DPP10: variants seen among roughly 807,000 people sequenced by gnomAD.
DPP10 encodes inactive dipeptidyl peptidase 10.
In DPP10, 33 loss-of-function variants were observed where a neutral mutation model predicts 120.9. The ratio of observed to expected loss-of-function variants is 0.27; its 90% CI spans 0.21 to 0.37. The LOEUF is 0.37. Among genes scored for constraint, DPP10 ranks in the 10% least tolerant of loss-of-function variants. The probability of loss-of-function intolerance (pLI) is 1.00; values close to 1 mark genes in which losing one functional copy is unlikely to be tolerated. For synonymous variants in DPP10, 337 were observed against 326.1 expected (o/e 1.03, Z -0.36); for missense variants, 816 against 942.8 (o/e 0.87, Z 1.76).
intron 1 of DPP10, among the ~76,000 whole-genome samples, chr2:115,261,859 T>C (rs578227764): frequency 4.6e-5 from 7 of 152,178 alleles, no homozygotes; most frequent in Non-Finnish European, 8.8e-5. Flanking sequence ...CTAAAACACG[T>C]CACAATCAGG....
intron 3 of DPP10, among the ~76,000 whole-genome samples, chr2:115,430,378 CATT>C (rs1295190939): frequency 1.3e-5 from 2 of 152,004 alleles, no homozygotes; most frequent in African/African-American, 2.4e-5. Flanking sequence ...CATAATGTAA[CATT>C]ATGAAGCACA....
chr2:115,138,032 CA>C (rs1442166364), intron 1 of DPP10, among the ~76,000 whole-genome samples: 1 of 152,140 alleles, frequency 6.6e-6, no homozygotes, highest in Non-Finnish European at 1.5e-5. Context: ...GGATGCATAA[CA>C]CTGTATTAAG....
Position 115,464,773 on chromosome 2 carries a change from C to T in DPP10, c.272-34737C>T, listed in dbSNP as rs140803683. 1.1e-4 allele frequency among the ~76,000 whole-genome samples: 16 copies of T among 152,180 alleles called. No homozygotes were observed. The East Asian group carries it at 3.1e-3, about 29-fold the overall frequency. On this transcript the variant is annotated intron_variant, in intron 3 of 25. Coordinates refer to ENST00000410059, the MANE Select transcript of DPP10 (RefSeq NM_020868.6). ...ATAGGTAATTATGGCCTCCCCTTGG[C>T]CTTATGGAATCCTTGCCACATGAGT...
At chr2:114,480,505 A>C (rs1224134421) in intron 1 of DPP10, among the ~76,000 whole-genome samples, 8 of 152,064 alleles carry the variant, frequency 5.3e-5, no homozygotes, top group Non-Finnish European at 1.0e-4. Context: ...ACACACATAC[A>C]CCATGGAATA....
At chr2:115,190,128 G>A (rs1176294698) in intron 1 of DPP10, among the ~76,000 whole-genome samples, 1 of 152,126 alleles carries the variant, frequency 6.6e-6, no homozygotes, top group Non-Finnish European at 1.5e-5. Context: ...TCCTCTAACA[G>A]CATCTCTACT....
intron 1 of DPP10, among the ~76,000 whole-genome samples, chr2:114,976,238 T>C (rs1027000780): frequency 4.7e-5 from 7 of 148,278 alleles, no homozygotes; most frequent in African/African-American, 1.7e-4. Flanking sequence ...TTCCCCTCCC[T>C]AATTTTTTCT....
At chr2:114,677,179 G>T (rs552396280) in intron 1 of DPP10, among the ~76,000 whole-genome samples, 16 of 152,196 alleles carry the variant, frequency 1.1e-4, no homozygotes, top group Admixed American at 8.5e-4. Context: ...ATGAAAGATT[G>T]TTTCAGCTTC....
intron 1 of DPP10, among the ~76,000 whole-genome samples, chr2:114,816,704 A>G (rs983015666): frequency 7.9e-4 from 121 of 152,338 alleles, no homozygotes; most frequent in African/African-American, 2.6e-3. Flanking sequence ...TCTGGAAGAA[A>G]GTAGATGGTA....
At position 114,790,766 on chromosome 2, in the gene DPP10, G is replaced by A. The variant is rs888588197; in HGVS notation, c.60+347928G>A. On this transcript the variant is annotated intron_variant, in intron 1 of 25. Transcript: ENST00000410059. ...ACTGTCATCAGTTAAGGCAAGGACC[G>A]GCCATTTATACTTCTTTTGTGGTGG... 3.9e-5 allele frequency among the ~76,000 whole-genome samples: 6 copies of A among 152,256 alleles called. No homozygotes were observed. The South Asian group carries it at 6.2e-4, about 16-fold the overall frequency.
At chr2:115,577,834 C>A (rs1334045649) in intron 5 of DPP10, among the ~76,000 whole-genome samples, 1 of 152,066 alleles carries the variant, frequency 6.6e-6, no homozygotes, top group Non-Finnish European at 1.5e-5. Flanking sequence ...TTAGGGCTCA[C>A]CCTAATGATT....
At chr2:114,706,732 C>T (rs1700711025) in intron 1 of DPP10, among the ~76,000 whole-genome samples, 1 of 152,144 alleles carries the variant, frequency 6.6e-6, no homozygotes, top group African/African-American at 2.4e-5. Flanking sequence ...GATCTATCTT[C>T]TAGTATCCAC....
intron 7 of DPP10, among the ~76,000 whole-genome samples, chr2:115,691,813 A>T (rs2091333163): frequency 6.6e-6 from 1 of 152,132 alleles, no homozygotes; most frequent in Admixed American, 6.6e-5. Context: ...TAATGTATGT[A>T]TTTAGTTATT....
At chr2:114,790,125 T>C (rs1189511510) in intron 1 of DPP10, among the ~76,000 whole-genome samples, 2 of 152,152 alleles carry the variant, frequency 1.3e-5, no homozygotes, top group Non-Finnish European at 2.9e-5. Context: ...CCTTAATTAC[T>C]GCAAGAAAAG....
intron 1 of DPP10, among the ~76,000 whole-genome samples, chr2:114,699,556 T>C (rs1269720102): frequency 6.6e-6 from 1 of 152,022 alleles, no homozygotes; most frequent in African/African-American, 2.4e-5. Flanking sequence ...CATATCTAAG[T>C]ATGAGGAAAG....
intron 1 of DPP10, among the ~76,000 whole-genome samples, chr2:115,250,064 A>AT (rs200010425): frequency 0.062 from 9,398 of 151,708 alleles, 336 homozygotes; most frequent in Middle Eastern, 0.11. Context: ...ACATTAGGCT[A>AT]TTTTTTTTCT....
At chr2:115,729,626 C>T (rs2092849925) in intron 8 of DPP10, among the ~76,000 whole-genome samples, 2 of 151,996 alleles carry the variant, frequency 1.3e-5, no homozygotes, top group South Asian at 4.1e-4. Context: ...AAAAATTAGC[C>T]AGATGTGATG....
chr2:115,558,749 ATAT>A (rs766433925), intron 5 of DPP10, among the ~76,000 whole-genome samples: 4 of 152,194 alleles, frequency 2.6e-5, no homozygotes, highest in Non-Finnish European at 5.9e-5. Context: ...ATAGTCTATG[ATAT>A]TATACAACTG....
chr2:115,477,368 C>T (rs1231072558), intron 3 of DPP10, among the ~76,000 whole-genome samples: 1 of 151,942 alleles, frequency 6.6e-6, no homozygotes, highest in African/African-American at 2.4e-5. Flanking sequence ...CACTAACAAA[C>T]AACCCAAAAG....
intron 7 of DPP10, 65 bp from the exon 8 acceptor site, chr2:115,727,751 A>G: frequency 2.7e-6 from 4 of 1,503,788 alleles, no homozygotes; most frequent in Non-Finnish European, 3.5e-6. Flanking sequence ...ATTCTGTAAT[A>G]TTAAAGTTTC....
Sources: gnomAD v4.1 joint callset for allele counts (sites outside exome capture counted in the v4.1 genomes callset) on GRCh38, gnomAD v4.1.1 for gene constraint, MANE v1.5 for transcripts, NCBI Gene and HGNC (gene_info 2026-07-23, HGNC 2026-07-21) for gene names.